Variants in SLC24A3 observed in about 807,000 individuals in gnomAD.
SLC24A3 encodes solute carrier family 24 member 3, also known as sodium/potassium/calcium exchanger 3.
In SLC24A3, 28 loss-of-function variants were observed where a neutral mutation model predicts 75.8. The observed-to-expected ratio is 0.37, with a 90% CI of 0.27 to 0.51. SLC24A3 has a LOEUF of 0.51. Among genes scored for constraint, SLC24A3 ranks in the 20% least tolerant of loss-of-function variants. SLC24A3 has a pLI of 0.94. For missense variants in SLC24A3, 663 were observed against 847.8 expected, an observed-to-expected ratio of 0.78 and a Z score of 2.71; for synonymous variants, 372 against 334.1, an observed-to-expected ratio of 1.11 and a Z score of -1.24.
At chr20:19,220,479 T>C (rs987066410) in intron 1 of SLC24A3, among the ~76,000 whole-genome samples, 1 of 152,136 alleles carries the variant, frequency 6.6e-6, no homozygotes, top group African/African-American at 2.4e-5. Context: ...ACCTTGACAA[T>C]AGAACAAAAG....
rs79530426 is a variant in SLC24A3 at position 19,398,305 on chromosome 20, A to G, written c.272-117183A>G. On this transcript the variant is annotated intron_variant, in intron 2 of 16. Coordinates refer to ENST00000328041, the MANE Select transcript of SLC24A3 (RefSeq NM_020689.4). ...TTAGTAATAATGAGTCTTCCAACAC[A>G]TGAATATGGTATATTGCTCCATTTA... is the stretch of plus-strand genomic sequence containing the variant. Among the ~76,000 whole-genome samples, 317 of 152,288 alleles carry G rather than the reference A, an allele frequency of 2.1e-3. 3 individuals are homozygous for G. The East Asian group carries it at 0.026, about 12-fold the overall frequency.
At chr20:19,305,416 C>T (rs1340787791) in intron 2 of SLC24A3, among the ~76,000 whole-genome samples, 2 of 152,014 alleles carry the variant, frequency 1.3e-5, no homozygotes, top group Non-Finnish European at 1.5e-5. Context: ...GCCAAAGGTG[C>T]ATCACATGCT....
At chr20:19,543,338 G>A (rs1182454674) in intron 3 of SLC24A3, among the ~76,000 whole-genome samples, 1 of 152,234 alleles carries the variant, frequency 6.6e-6, no homozygotes, top group African/African-American at 2.4e-5. Flanking sequence ...GTTTTTTGCA[G>A]AGAAAGTGAG....
chr20:19,258,608 G>A (rs984582081), intron 1 of SLC24A3, among the ~76,000 whole-genome samples: 48 of 152,228 alleles, frequency 3.2e-4, no homozygotes, highest in Admixed American at 2.4e-3. Context: ...AGGCTGAGGC[G>A]GAAGAATCAC....
chr20:19,684,665 A>G (rs1016707915), intron 11 of SLC24A3, among the ~76,000 whole-genome samples: 2 of 152,158 alleles, frequency 1.3e-5, no homozygotes, highest in Non-Finnish European at 2.9e-5. Context: ...ACTAAGGGTT[A>G]CCTTAGTTTA....
At chr20:19,294,845 C>G (rs910372097) in intron 2 of SLC24A3, among the ~76,000 whole-genome samples, 3 of 152,046 alleles carry the variant, frequency 2.0e-5, no homozygotes, top group African/African-American at 7.2e-5. Context: ...GTTTTTAGGT[C>G]TTTGAGGAAT....
At chr20:19,515,438 T>A in intron 2 of SLC24A3, 50 bp from the exon 3 acceptor site, 1 of 1,577,108 alleles carries the variant, frequency 6.3e-7, no homozygotes, top group South Asian at 1.1e-5. Flanking sequence ...CCTACAGCAC[T>A]GAAAATGTGG....
chr20:19,237,864 G>C (rs551492811), intron 1 of SLC24A3, among the ~76,000 whole-genome samples: 1 of 152,156 alleles, frequency 6.6e-6, no homozygotes, highest in Non-Finnish European at 1.5e-5. Context: ...GCCTGGGCCT[G>C]AGTTTCACGT....
At chr20:19,668,310 A>T (rs1363014867) in intron 8 of SLC24A3, among the ~76,000 whole-genome samples, 1 of 152,188 alleles carries the variant, frequency 6.6e-6, no homozygotes, top group Non-Finnish European at 1.5e-5. Flanking sequence ...TTTACTGTTC[A>T]CTTCTTCTAT....
intron 2 of SLC24A3, among the ~76,000 whole-genome samples, chr20:19,407,600 T>C (rs1382439772): frequency 6.6e-6 from 1 of 152,178 alleles, no homozygotes; most frequent in Non-Finnish European, 1.5e-5. Context: ...TTTAGGAATC[T>C]TTACTCTTGA....
intron 10 of SLC24A3, among the ~76,000 whole-genome samples, chr20:19,683,146 A>G (rs1207464140): frequency 2.0e-5 from 3 of 152,142 alleles, no homozygotes; most frequent in Admixed American, 2.0e-4. Flanking sequence ...TATTTGATAT[A>G]TTTTTCTGAA....
At chr20:19,619,750 T>A (rs577984323) in intron 6 of SLC24A3, among the ~76,000 whole-genome samples, 1 of 152,290 alleles carries the variant, frequency 6.6e-6, no homozygotes, top group Non-Finnish European at 1.5e-5. Context: ...ATACGTTGTA[T>A]GTATGTTATT....
At chr20:19,603,764 T>C (rs546645084) in intron 6 of SLC24A3, among the ~76,000 whole-genome samples, 4 of 152,234 alleles carry the variant, frequency 2.6e-5, no homozygotes, top group South Asian at 4.1e-4. Context: ...AGCCACATTA[T>C]GCACATATTC....
At chr20:19,462,323 G>A (rs1010277177) in intron 2 of SLC24A3, among the ~76,000 whole-genome samples, 4 of 151,192 alleles carry the variant, frequency 2.6e-5, no homozygotes, top group Admixed American at 1.3e-4. Flanking sequence ...GCAGTGGCAC[G>A]ATCTCGGCTC....
intron 2 of SLC24A3, among the ~76,000 whole-genome samples, chr20:19,459,861 G>A (rs901369582): frequency 6.6e-6 from 1 of 152,142 alleles, no homozygotes; most frequent in African/African-American, 2.4e-5. Flanking sequence ...CGAGCCTGGG[G>A]TTCTGCCCTT....
rs374967862 is a variant in SLC24A3, at chr20:19,455,072, C to T, written c.272-60416C>T. Among the ~76,000 whole-genome samples, 6 of 152,266 alleles carry T rather than the reference C, an allele frequency of 3.9e-5. No individual in the cohort carries two copies. The South Asian group carries it at 6.2e-4, about 16-fold the overall frequency. ...TTAGTGTCCCCCAATACCTAACCCTCATATTTCATGCCCATTCCCAAGCTA... is the reference window on the plus strand; with the variant it reads ...TTAGTGTCCCCCAATACCTAACCCTTATATTTCATGCCCATTCCCAAGCTA... On this transcript the variant is annotated intron_variant, in intron 2 of 16. Transcript: ENST00000328041.
chr20:19,464,936 A>G (rs1407677055), intron 2 of SLC24A3, among the ~76,000 whole-genome samples: 1 of 152,234 alleles, frequency 6.6e-6, no homozygotes, highest in Admixed American at 6.5e-5. Flanking sequence ...AGCGCTGTCC[A>G]GTGGATCTTT....
chr20:19,273,626 G>C (rs958092387), intron 1 of SLC24A3, among the ~76,000 whole-genome samples: 1 of 152,132 alleles, frequency 6.6e-6, no homozygotes, highest in African/African-American at 2.4e-5. Flanking sequence ...ATCTGCTGCG[G>C]ATCTTGTGAG....
At chr20:19,472,304 G>A (rs1987887840) in intron 2 of SLC24A3, among the ~76,000 whole-genome samples, 1 of 152,216 alleles carries the variant, frequency 6.6e-6, no homozygotes, top group Admixed American at 6.5e-5. Context: ...AACTCTAGGG[G>A]TCCAGTGAGG....
Sources: gnomAD v4.1 joint callset for allele counts (sites outside exome capture counted in the v4.1 genomes callset) on GRCh38, gnomAD v4.1.1 for gene constraint, MANE v1.5 for transcripts, NCBI Gene and HGNC (gene_info 2026-07-23, HGNC 2026-07-21) for gene names.